The following MAST4 variants were observed in gnomAD, a reference collection of about 807,000 sequenced individuals.
MAST4 encodes microtubule associated serine/threonine kinase family member 4.
A neutral mutation model predicts 162.7 loss-of-function variants in MAST4; 89 were observed. The observed-to-expected ratio is 0.55, with a 90% CI of 0.46 to 0.65. The LOEUF is 0.65. Among genes scored for constraint, MAST4 ranks in the 30% least tolerant of loss-of-function variants. The pLI is 0.00. For missense variants in MAST4, 3,153 were observed against 3,374.0 expected, an observed-to-expected ratio of 0.93 and a Z score of 1.62; for synonymous variants, 1,479 against 1,361.1, an observed-to-expected ratio of 1.09 and a Z score of -1.91.
At position 66,657,051 on chromosome 5, in the gene MAST4, C is replaced by A. The variant is rs188908736; in HGVS notation, c.363+60033C>A. ...TTGCAGTTACTGAGTAAATATTATT[C>A]ACCCTGTTTCTGAGAAGATTCAGTA... On this transcript the variant is annotated intron_variant, in intron 1 of 28. Coordinates refer to ENST00000403625, the MANE Select transcript of MAST4 (RefSeq NM_001164664.2). Among the ~76,000 whole-genome samples the A allele has an allele frequency of 8.5e-5, 13 of 152,296 alleles. No individual in the cohort carries two copies. In the East Asian group the frequency reaches 2.3e-3, roughly 27 times the overall value.
chr5:66,959,222 A>G (rs749813002), intron 4 of MAST4: 11 of 779,522 alleles, frequency 1.4e-5, no homozygotes, highest in Non-Finnish European at 2.4e-5. Flanking sequence ...CATGGTTACA[A>G]TAGAGTGTGC....
intron 4 of MAST4, among the ~76,000 whole-genome samples, chr5:67,006,463 T>A (rs1009912381): frequency 2.0e-5 from 3 of 152,214 alleles, no homozygotes; most frequent in Admixed American, 2.0e-4. Context: ...ATGCTACACA[T>A]GAACTAGGCC....
intron 1 of MAST4, among the ~76,000 whole-genome samples, chr5:66,697,848 A>G (rs1454127397): frequency 6.6e-6 from 1 of 152,220 alleles, no homozygotes; most frequent in Non-Finnish European, 1.5e-5. Flanking sequence ...AGGATTTATC[A>G]TAGATATGAC....
intron 3 of MAST4, among the ~76,000 whole-genome samples, chr5:66,865,541 G>A (rs1450259991): frequency 6.6e-6 from 1 of 152,116 alleles, no homozygotes; most frequent in Admixed American, 6.5e-5. Context: ...TTTTTAAAAA[G>A]TCATCTATTT....
intron 4 of MAST4, among the ~76,000 whole-genome samples, chr5:67,015,519 A>AAAG (rs1175467077): frequency 1.3e-5 from 2 of 152,242 alleles, no homozygotes; most frequent in Non-Finnish European, 2.9e-5. Flanking sequence ...CTATTAGACA[A>AAAG]AAGTAATTGT....
chr5:66,849,796 T>C (rs1759169339), intron 3 of MAST4, among the ~76,000 whole-genome samples: 1 of 152,246 alleles, frequency 6.6e-6, no homozygotes, highest in South Asian at 2.1e-4. Context: ...TAATTCTCTT[T>C]GTGTTTTTGA....
At chr5:66,664,359 C>T (rs939916285) in intron 1 of MAST4, among the ~76,000 whole-genome samples, 6 of 147,622 alleles carry the variant, frequency 4.1e-5, no homozygotes, top group Middle Eastern at 3.5e-3. Context: ...CGCTTGAACC[C>T]GGGCGACGGA....
At chr5:66,773,100 G>T (rs953025719) in intron 2 of MAST4, among the ~76,000 whole-genome samples, 1 of 152,206 alleles carries the variant, frequency 6.6e-6, no homozygotes, top group Non-Finnish European at 1.5e-5. Flanking sequence ...CACTGGGAAT[G>T]TAGAAGTTTT....
At chr5:67,121,223 C>A in intron 14 of MAST4, 121 bp downstream of exon 14, 1 of 730,838 alleles carries the variant, frequency 1.4e-6, no homozygotes, top group Non-Finnish European at 2.2e-6. Flanking sequence ...CAGATCACTG[C>A]TCCTTTCCTG....
intron 1 of MAST4, among the ~76,000 whole-genome samples, chr5:66,694,092 T>A (rs2149499930): frequency 6.6e-6 from 1 of 152,310 alleles, no homozygotes; most frequent in East Asian, 1.9e-4. Flanking sequence ...AGACTGGTTT[T>A]CAAGATGGAC....
At chr5:66,670,152 A>C (rs1364978797) in intron 1 of MAST4, among the ~76,000 whole-genome samples, 1 of 152,216 alleles carries the variant, frequency 6.6e-6, no homozygotes, top group Non-Finnish European at 1.5e-5. Context: ...CCATTATGAA[A>C]AGTGACAGTC....
intron 3 of MAST4, among the ~76,000 whole-genome samples, chr5:66,891,804 G>A (rs939225709): frequency 2.0e-5 from 3 of 152,184 alleles, no homozygotes; most frequent in African/African-American, 7.2e-5. Flanking sequence ...AGGAATTTTT[G>A]AATTGCAAAG....
At chr5:66,600,406 G>A (rs1282821057) in intron 1 of MAST4, among the ~76,000 whole-genome samples, 2 of 152,230 alleles carry the variant, frequency 1.3e-5, no homozygotes, top group African/African-American at 4.8e-5. Flanking sequence ...TAGGCATTCT[G>A]CCTTGTCCTT....
At chr5:66,944,177 G>A (rs1743700782) in intron 4 of MAST4, among the ~76,000 whole-genome samples, 1 of 152,128 alleles carries the variant, frequency 6.6e-6, no homozygotes, top group Non-Finnish European at 1.5e-5. Context: ...ATGGCCACAT[G>A]AGTTGCATTG....
At chr5:66,651,396 C>G (rs1265024786) in intron 1 of MAST4, among the ~76,000 whole-genome samples, 1 of 151,960 alleles carries the variant, frequency 6.6e-6, no homozygotes, top group South Asian at 2.1e-4. Flanking sequence ...ATATTATATA[C>G]TCAGTCTTTT....
chr5:67,015,665 G>C (rs1242741940), intron 4 of MAST4, among the ~76,000 whole-genome samples: 2 of 152,004 alleles, frequency 1.3e-5, no homozygotes, highest in African/African-American at 4.8e-5. Context: ...CCTTTTCTTT[G>C]GCTGCCTAAA....
chr5:66,872,841 C>T (rs775531142), intron 3 of MAST4, among the ~76,000 whole-genome samples: 4 of 152,154 alleles, frequency 2.6e-5, no homozygotes, highest in Non-Finnish European at 4.4e-5. Flanking sequence ...ACACAGCATG[C>T]ACCTCATGAT....
Position 66,940,571 on chromosome 5 carries a change from T to A in MAST4, c.674+40589T>A, listed in dbSNP as rs568355606. 2.0e-5 allele frequency among the ~76,000 whole-genome samples: 3 copies of A among 152,284 alleles called. No individual in the cohort carries two copies. The East Asian group carries it at 5.8e-4, about 29-fold the overall frequency. ...CTCATCCATAAGAAGCAACTCTTCA[T>A]CCATTCAAGTTTTAACATCAAATTT... On this transcript the variant is annotated intron_variant, in intron 4 of 28. Coordinates refer to ENST00000403625, the MANE Select transcript of MAST4 (RefSeq NM_001164664.2).
intron 3 of MAST4, among the ~76,000 whole-genome samples, chr5:66,793,751 A>T (rs1755526678): frequency 6.6e-6 from 1 of 152,184 alleles, no homozygotes; most frequent in Non-Finnish European, 1.5e-5. Context: ...TGAAGGTTTC[A>T]TTCACATTCT....
Sources: allele counts gnomAD v4.1 joint callset (sites outside exome capture counted in the v4.1 genomes callset), GRCh38; gene constraint gnomAD v4.1.1; transcripts MANE v1.5; gene names NCBI Gene and HGNC (gene_info 2026-07-23, HGNC 2026-07-21).